The following CYB5R4 variants were observed in gnomAD, a reference collection of about 807,000 sequenced individuals.
CYB5R4 encodes N-terminal cytochrome b5 and cytochrome b5 oxidoreductase domain-containing protein.
In CYB5R4, 55 loss-of-function variants were observed where a neutral mutation model predicts 70.2. That is an observed-to-expected ratio of 0.78 (90% CI 0.63 to 0.98). CYB5R4 has a LOEUF of 0.98. Among genes scored for constraint, CYB5R4 ranks in the 50% least tolerant of loss-of-function variants. The pLI is 0.00. For synonymous variants in CYB5R4, 197 were observed against 199.5 expected (o/e 0.99, Z 0.11); for missense variants, 562 against 612.6 (o/e 0.92, Z 0.87).
At chr6:83,930,209 G>A (rs1262303756) in intron 10 of CYB5R4, among the ~76,000 whole-genome samples, 1 of 152,114 alleles carries the variant, frequency 6.6e-6, no homozygotes, top group Non-Finnish European at 1.5e-5. Flanking sequence ...TTAGGGTGGT[G>A]GTTGCTAAAG....
chr6:83,913,133 C>T (rs1461676164), intron 4 of CYB5R4, among the ~76,000 whole-genome samples: 1 of 152,038 alleles, frequency 6.6e-6, no homozygotes, highest in Non-Finnish European at 1.5e-5. Context: ...CTGTGAATTT[C>T]TAAGATAAAA....
chr6:83,955,282 T>C lies in CYB5R4; in HGVS notation c.1347-16T>C. Reference sequence around the variant, plus strand: ...TAAAATAATAAACTTTAAAAAGCTGTTTTTCTTTTCCCTAGACTGGATGTT... The same window carrying C: ...TAAAATAATAAACTTTAAAAAGCTGCTTTTCTTTTCCCTAGACTGGATGTT... On this transcript the variant is annotated splice_polypyrimidine_tract_variant and intron_variant, in intron 14 of 15. Transcript: ENST00000369681. 6.4e-7 allele frequency: 1 copy of C among 1,574,606 alleles called. No individual in the cohort carries two copies.
intron 15 of CYB5R4, among the ~76,000 whole-genome samples, chr6:83,956,748 A>G (rs2099472482): frequency 6.6e-6 from 1 of 152,118 alleles, no homozygotes; most frequent in African/African-American, 2.4e-5. Context: ...TTGGGGTAAA[A>G]CATTTTTATT....
chr6:83,925,239 G>A (rs1480371190), intron 10 of CYB5R4, among the ~76,000 whole-genome samples: 1 of 151,982 alleles, frequency 6.6e-6, no homozygotes, highest in Non-Finnish European at 1.5e-5. Context: ...AGAGATGGGG[G>A]AGGTGCTACA....
chr6:83,933,990 C>T (rs561599677), intron 10 of CYB5R4, among the ~76,000 whole-genome samples: 1 of 152,110 alleles, frequency 6.6e-6, no homozygotes, highest in Non-Finnish European at 1.5e-5. Context: ...CATAGAGACA[C>T]AAGAATGTCT....
chr6:83,940,432 A>T, intron 13 of CYB5R4, 83 bp from the exon 14 acceptor site: 11 of 1,316,450 alleles, frequency 8.4e-6, no homozygotes, highest in Non-Finnish European at 1.1e-5. Flanking sequence ...AAACATTCAC[A>T]CTGGTTCACT....
At chr6:83,898,729 G>T (rs974844160) in intron 3 of CYB5R4, among the ~76,000 whole-genome samples, 7 of 152,112 alleles carry the variant, frequency 4.6e-5, no homozygotes, top group Admixed American at 4.6e-4. Flanking sequence ...TGAAGCAATT[G>T]TGAATGGGAG....
chr6:83,888,831 G>A (rs769294471), intron 2 of CYB5R4, among the ~76,000 whole-genome samples: 22 of 152,226 alleles, frequency 1.4e-4, no homozygotes, highest in Admixed American at 2.6e-4. Flanking sequence ...GTGCCACACA[G>A]TTAGCTAAGC....
At chr6:83,890,034 A>G (rs1329757956) in intron 2 of CYB5R4, among the ~76,000 whole-genome samples, 2 of 152,210 alleles carry the variant, frequency 1.3e-5, no homozygotes, top group Non-Finnish European at 2.9e-5. Context: ...TGGGACAGAT[A>G]TACAAACTAT....
intron 12 of CYB5R4, among the ~76,000 whole-genome samples, chr6:83,938,517 A>G (rs1251205645): frequency 2.0e-5 from 3 of 152,168 alleles, no homozygotes; most frequent in South Asian, 2.1e-4. Flanking sequence ...TTGGCTTTCC[A>G]TGTGTTCTGA....
At chr6:83,919,592 G>C (rs966060502) in intron 7 of CYB5R4, 138 bp downstream of exon 7, 10 of 408,780 alleles carry the variant, frequency 2.4e-5, no homozygotes, top group South Asian at 5.0e-5. Flanking sequence ...TATCCCTTTT[G>C]TACAGAAGAG....
intron 3 of CYB5R4, among the ~76,000 whole-genome samples, chr6:83,906,431 C>T (rs1310546116): frequency 6.6e-6 from 1 of 152,092 alleles, no homozygotes; most frequent in Non-Finnish European, 1.5e-5. Flanking sequence ...AGTGCAAGCA[C>T]CCTCCCTGGA....
At chr6:83,889,444 C>G (rs35902583) in intron 2 of CYB5R4, among the ~76,000 whole-genome samples, 6,488 of 152,256 alleles carry the variant, frequency 0.043, 138 homozygotes, top group Middle Eastern at 0.048. Flanking sequence ...TATGCTAAGT[C>G]TGCCCTGCCT....
intron 9 of CYB5R4, among the ~76,000 whole-genome samples, chr6:83,922,882 A>G (rs1371101469): frequency 6.6e-6 from 1 of 151,966 alleles, no homozygotes; most frequent in Non-Finnish European, 1.5e-5. Context: ...TCTGCCTCTC[A>G]GGCTGAAGTG....
chr6:83,947,802 C>G (rs754623744), intron 14 of CYB5R4, among the ~76,000 whole-genome samples: 5 of 152,126 alleles, frequency 3.3e-5, no homozygotes, highest in Non-Finnish European at 5.9e-5. Flanking sequence ...TAGAGAAATG[C>G]AAGTCAAAAC....
intron 2 of CYB5R4, among the ~76,000 whole-genome samples, chr6:83,891,903 A>G (rs2099461178): frequency 6.6e-6 from 1 of 152,192 alleles, no homozygotes; most frequent in Non-Finnish European, 1.5e-5. Flanking sequence ...ACAAATGATC[A>G]TGGGTTGTAG....
chr6:83,878,128 A>G (rs1043814143), intron 2 of CYB5R4, among the ~76,000 whole-genome samples: 1 of 151,898 alleles, frequency 6.6e-6, no homozygotes, highest in Non-Finnish European at 1.5e-5. Flanking sequence ...TTCTAATATC[A>G]TGTCTTTCAA....
At chr6:83,864,082 T>G in intron 1 of CYB5R4, 93 bp from the exon 2 acceptor site, 1 of 1,145,206 alleles carries the variant, frequency 8.7e-7, no homozygotes, top group Non-Finnish European at 1.2e-6. Context: ...TGTAAAAGGA[T>G]TTATAGAAGT....
intron 2 of CYB5R4, among the ~76,000 whole-genome samples, chr6:83,871,906 T>C (rs2099457695): frequency 6.6e-6 from 1 of 152,172 alleles, no homozygotes; most frequent in South Asian, 2.1e-4. Flanking sequence ...TAGAAGTTTA[T>C]CAATTTTATT....
Sources: allele counts gnomAD v4.1 joint callset (sites outside exome capture counted in the v4.1 genomes callset), GRCh38; gene constraint gnomAD v4.1.1; transcripts MANE v1.5; gene names NCBI Gene and HGNC (gene_info 2026-07-23, HGNC 2026-07-21).